Variants in YJEFN3 observed in about 807,000 individuals in gnomAD.
YJEFN3 encodes yjeF N-terminal domain-containing protein 3.
YJEFN3 carries 29 observed loss-of-function variants against 31.5 expected under a neutral mutation model. That is an observed-to-expected ratio of 0.92 (90% confidence interval 0.69 to 1.26). The LOEUF (loss-of-function observed/expected upper bound fraction) is 1.26, where lower values mean the gene tolerates loss of function less well. Ranked by LOEUF, YJEFN3 falls within the 50% of genes most tolerant of loss-of-function variation. The pLI, the probability that YJEFN3 is intolerant of heterozygous loss-of-function variation, is 0.00. For missense variants in YJEFN3, 442 were observed against 425.4 expected, an observed-to-expected ratio of 1.04 and a Z score of -0.34; for synonymous variants, 227 against 196.1, an observed-to-expected ratio of 1.16 and a Z score of -1.32.
At chr19:19,531,639 C>T (rs1231640305) in intron 2 of YJEFN3, among the ~76,000 whole-genome samples, 2 of 150,086 alleles carry the variant, frequency 1.3e-5, no homozygotes, top group African/African-American at 2.5e-5. Context: ...GAGGTGGAGA[C>T]GGACCCCAGT....
At chr19:19,535,235 C>T (rs562934197) in intron 4 of YJEFN3, 91 bp downstream of exon 4, 41 of 1,503,976 alleles carry the variant, frequency 2.7e-5, no homozygotes, top group South Asian at 2.4e-4. Flanking sequence ...GGGACATTGA[C>T]GCAGGGCCAG....
intron 1 of YJEFN3, 127 bp from the exon 2 acceptor site, chr19:19,529,237 C>G (rs1045418469): frequency 6.9e-7 from 1 of 1,452,944 alleles, no homozygotes. Flanking sequence ...GCTGGAGACA[C>G]TAAGCTGCGT....
Position 19,534,972 on chromosome 19 carries a change from C to T in YJEFN3, c.319-62C>T. The T allele has an allele frequency of 2.1e-6, 3 of 1,425,692 alleles. No homozygotes were observed. Among genetic ancestry groups the T allele is most frequent in the South Asian group, 1.4e-5 (1 of 69,390 alleles). The allele number at this position is 1,425,692 out of a possible 1,614,324, so 88.3% of individuals were successfully genotyped here. A position where few individuals can be genotyped will look rare whatever the true frequency, so the allele number is the denominator to read the frequency against. ...CTTCCCCTACTCCGGGCCTCAGTTT[C>T]CTCTCCAGGCAAGGAGGAATCTGGA... On this transcript the variant is annotated intron_variant, in intron 3 of 6. Coordinates refer to ENST00000514277, the MANE Select transcript of YJEFN3 (RefSeq NM_198537.4). This position sits in a 1 kb window ranked among gnomAD's most constrained non-coding sequence, Gnocchi z 4.6.
chr19:19,533,364 A>G (rs1450431272), intron 3 of YJEFN3: 2 of 985,674 alleles, frequency 2.0e-6, no homozygotes, highest in East Asian at 2.3e-4. Flanking sequence ...AACGCCTCAG[A>G]AAACTGTCCC....
At chr19:19,530,948 C>A (rs961978366) in intron 2 of YJEFN3, among the ~76,000 whole-genome samples, 1 of 152,204 alleles carries the variant, frequency 6.6e-6, no homozygotes, top group Non-Finnish European at 1.5e-5. Flanking sequence ...CTGCCCTGTC[C>A]GCTTGATCAC....
intron 5 of YJEFN3, 23 bp from the exon 6 acceptor site, chr19:19,535,506 C>G: frequency 6.2e-7 from 1 of 1,609,430 alleles, no homozygotes; most frequent in Non-Finnish European, 8.5e-7. Flanking sequence ...CTGGGCCACC[C>G]TGACCCTGCC....
intron 2 of YJEFN3, among the ~76,000 whole-genome samples, chr19:19,530,396 G>A (rs1403063942): frequency 1.6e-5 from 2 of 123,578 alleles, no homozygotes; most frequent in Non-Finnish European, 3.4e-5. Flanking sequence ...CCCCACAGCT[G>A]CTGCTGTGCC....
chr19:19,533,082 C>G (rs2061173891), intron 3 of YJEFN3: 6 of 1,085,140 alleles, frequency 5.5e-6, no homozygotes, highest in Non-Finnish European at 5.6e-6. Context: ...TCTGAACACC[C>G]CTAAACAACC....
In YJEFN3 at chr19:19,528,916, C is replaced by G. The variant is rs1568361772; in HGVS notation, c.-17C>G. On this transcript the variant is annotated 5_prime_UTR_variant, in exon 1 of 7. Coordinates refer to ENST00000514277, the MANE Select transcript of YJEFN3 (RefSeq NM_198537.4). ...TGGCGGTGGCGGCAGCGCCCGGCGC[C>G]CGGGCTCACCTCGGCCATGAGCAGC... 9.0e-6 allele frequency: 14 copies of G among 1,547,050 alleles called. No individual in the cohort carries two copies. The highest frequency in any genetic ancestry group is 1.1e-5 in the Non-Finnish European group (13 of 1,145,892).
chr19:19,533,055 G>C, intron 3 of YJEFN3: 1 of 1,158,992 alleles, frequency 8.6e-7, no homozygotes, highest in Non-Finnish European at 1.1e-6. Flanking sequence ...GGGCACCAGG[G>C]ACATCTGCTC....
chr19:19,530,640 C>T (rs926227374), intron 2 of YJEFN3, among the ~76,000 whole-genome samples: 3 of 152,210 alleles, frequency 2.0e-5, no homozygotes, highest in African/African-American at 2.4e-5. Flanking sequence ...ATGTTCCCAG[C>T]CTGCCAGATT....
intron 2 of YJEFN3, among the ~76,000 whole-genome samples, chr19:19,532,379 C>T (rs1332608487): frequency 1.3e-5 from 2 of 152,250 alleles, no homozygotes; most frequent in East Asian, 3.8e-4. Context: ...GCCAGCGCAT[C>T]TTCTGCCACC....
Position 19,535,519 on chromosome 19 carries a change from C to T in YJEFN3, c.544-10C>T, listed in dbSNP as rs1340724380. On this transcript the variant is annotated splice_polypyrimidine_tract_variant and intron_variant, in intron 5 of 6. Coordinates refer to ENST00000514277, the MANE Select transcript of YJEFN3 (RefSeq NM_198537.4). ...CCCTGGGCCACCCTGACCCTGCCTG[C>T]CTTCCCCAGGTGCAGCTCATTAACG... 6.2e-7 allele frequency: 1 copy of T among 1,607,184 alleles called. No homozygotes were observed. Among genetic ancestry groups the T allele is most frequent in the African/African-American group, 1.3e-5 (1 of 74,846 alleles).
intron 3 of YJEFN3, chr19:19,533,054 G>A (rs1386356772): frequency 1.7e-6 from 2 of 1,160,100 alleles, no homozygotes; most frequent in Admixed American, 4.7e-5. Context: ...TGGGCACCAG[G>A]GACATCTGCT....
chr19:19,535,438 C>T lies in YJEFN3; in HGVS notation c.531C>T (p.Tyr177=), dbSNP rs2061199012. 1 of 1,613,900 alleles carries T rather than the reference C, an allele frequency of 6.2e-7. No homozygotes were observed. The highest frequency in any genetic ancestry group is 1.3e-5 in the African/African-American group (1 of 74,938). ...CEKMDIPFLS[Y]LPTEVQLINE... Reference sequence around the variant, plus strand: ...AGATGGACATCCCCTTCCTGAGCTACCTGCCCACTGAGGTCAGCGCTGGGT... The same window carrying T: ...AGATGGACATCCCCTTCCTGAGCTATCTGCCCACTGAGGTCAGCGCTGGGT... Residue 177 remains tyrosine (Y), a synonymous_variant, in exon 5 of 7, where the codon TAC becomes TAT. Transcript: ENST00000514277.
At chr19:19,536,625 G>A (rs1028210539) in intron 6 of YJEFN3, among the ~76,000 whole-genome samples, 10 of 152,126 alleles carry the variant, frequency 6.6e-5, no homozygotes, top group Admixed American at 4.6e-4. Context: ...GTTGCTGTGA[G>A]CTGAGATCGT....
At chr19:19,533,265 G>A (rs2061175633) in intron 3 of YJEFN3, 1 of 986,386 alleles carries the variant, frequency 1.0e-6, no homozygotes, top group Admixed American at 6.1e-5. Flanking sequence ...ATACTATGGA[G>A]TGCTTCACCG....
chr19:19,537,232 A>G, intron 6 of YJEFN3, 87 bp from the exon 7 acceptor site: 1 of 1,232,058 alleles, frequency 8.1e-7, no homozygotes, highest in Non-Finnish European at 1.1e-6. Context: ...TGGAGGGGAG[A>G]GGAGAGGAGG....
chr19:19,536,875 CAGG>C (rs2144670433), intron 6 of YJEFN3, among the ~76,000 whole-genome samples: 1 of 152,196 alleles, frequency 6.6e-6, no homozygotes, highest in South Asian at 2.1e-4. Context: ...GAGGCTGAGA[CAGG>C]AGAATTGCTT....
Sources: allele counts gnomAD v4.1 joint callset (sites outside exome capture counted in the v4.1 genomes callset), GRCh38; gene constraint gnomAD v4.1.1; non-coding constraint Gnocchi (gnomAD v3.1); transcripts MANE v1.5; gene names NCBI Gene and HGNC (gene_info 2026-07-23, HGNC 2026-07-21).